Variants in CCDC126 observed in about 807,000 individuals in gnomAD.
The protein encoded by CCDC126 is coiled-coil domain-containing protein 126.
CCDC126 carries 5 observed loss-of-function variants against 11.7 expected under a neutral mutation model. That is an observed-to-expected ratio of 0.43 (90% CI 0.22 to 0.90). The LOEUF is 0.90. Among genes scored for constraint, CCDC126 ranks in the 40% least tolerant of loss-of-function variants. The pLI, the probability that CCDC126 is intolerant of heterozygous loss-of-function variation, is 0.27. For missense variants in CCDC126, 150 were observed against 163.1 expected (o/e 0.92, Z 0.44); for synonymous variants, 60 against 61.9 (o/e 0.97, Z 0.14).
intron 2 of CCDC126, among the ~76,000 whole-genome samples, chr7:23,601,093 G>T (rs1328753011): frequency 6.6e-6 from 1 of 151,704 alleles, no homozygotes; most frequent in Non-Finnish European, 1.5e-5. Flanking sequence ...GTGTAACTGT[G>T]TGTGCATAGG....
At chr7:23,598,619 A>C (rs1397482038) in intron 2 of CCDC126, 1 of 152,154 alleles carries the variant, frequency 6.6e-6, no homozygotes, top group African/African-American at 2.4e-5. Flanking sequence ...CAGGTATTTT[A>C]CAGTCCTGCC....
intron 3 of CCDC126, among the ~76,000 whole-genome samples, chr7:23,631,426 G>A (rs963864963): frequency 1.3e-5 from 2 of 152,016 alleles, no homozygotes; most frequent in Non-Finnish European, 2.9e-5. Flanking sequence ...ACAAATTGCC[G>A]CAATCCACCC....
intron 3 of CCDC126, among the ~76,000 whole-genome samples, chr7:23,636,313 T>G (rs1253101827): frequency 6.8e-6 from 1 of 146,106 alleles, no homozygotes; most frequent in African/African-American, 2.5e-5. Flanking sequence ...CGTCTCTGCC[T>G]GGCCCCCCAT....
In CCDC126 at chr7:23,633,864, A is replaced by G. The variant is rs566578395; in HGVS notation, c.239-9067A>G. On this transcript the variant is annotated intron_variant, in intron 3 of 3. Transcript: ENST00000307471. ...GAGTGAGACCCTGTATCCAAAAAAAAGAAAGAAAAAAGAAAAGAAGTGATT... is the reference window on the plus strand; with the variant it reads ...GAGTGAGACCCTGTATCCAAAAAAAGGAAAGAAAAAAGAAAAGAAGTGATT... 1.4e-4 allele frequency among the ~76,000 whole-genome samples: 21 copies of G among 152,336 alleles called. No individual in the cohort carries two copies. The East Asian group carries it at 3.5e-3, about 25-fold the overall frequency.
chr7:23,636,428 G>A (rs780731970), intron 3 of CCDC126, among the ~76,000 whole-genome samples: 6 of 120,722 alleles, frequency 5.0e-5, no homozygotes, highest in African/African-American at 1.8e-4. Context: ...GCGCCTCTTC[G>A]CCGCCGCCAT....
intron 2 of CCDC126, among the ~76,000 whole-genome samples, chr7:23,602,720 C>G (rs1782564012): frequency 6.6e-6 from 1 of 152,098 alleles, no homozygotes; most frequent in Non-Finnish European, 1.5e-5. Flanking sequence ...CCTCCTCTTT[C>G]TGAAATCAGA....
At chr7:23,611,666 CTTTT>C (rs1268080252) in intron 3 of CCDC126, 113 bp downstream of exon 3, 2 of 711,414 alleles carry the variant, frequency 2.8e-6, no homozygotes, top group East Asian at 5.1e-5. Flanking sequence ...TTTTTCTTGA[CTTTT>C]TATTATGAAA....
intron 3 of CCDC126, among the ~76,000 whole-genome samples, chr7:23,639,251 G>A (rs1338684655): frequency 6.6e-6 from 1 of 150,664 alleles, no homozygotes. Context: ...GAGTGCAGTG[G>A]CACGATCTCA....
At chr7:23,605,435 GTGTGTGT>G (rs1470258135) in intron 2 of CCDC126, among the ~76,000 whole-genome samples, 5 of 74,408 alleles carry the variant, frequency 6.7e-5, no homozygotes, top group African/African-American at 2.1e-4. Flanking sequence ...GTGTGTGTGT[GTGTGTGT>G]GGTAAAAAAA....
At chr7:23,628,346 A>G (rs997456376) in intron 3 of CCDC126, among the ~76,000 whole-genome samples, 4 of 152,214 alleles carry the variant, frequency 2.6e-5, no homozygotes, top group Admixed American at 6.5e-5. Context: ...TCAGAGTTGG[A>G]GCTGAAGAAG....
chr7:23,632,971 A>T (rs6966538), intron 3 of CCDC126, among the ~76,000 whole-genome samples: 57 of 152,298 alleles, frequency 3.7e-4, no homozygotes, highest in Middle Eastern at 3.4e-3. Context: ...ACCTTAGTTC[A>T]CTCATGTGAT....
chr7:23,605,019 A>C (rs1174422085), intron 2 of CCDC126, among the ~76,000 whole-genome samples: 1 of 151,630 alleles, frequency 6.6e-6, no homozygotes, highest in African/African-American at 2.4e-5. Flanking sequence ...AAAAAAGAAA[A>C]TGATAGAGAG....
Position 23,624,879 on chromosome 7 carries a change from C to G in CCDC126, c.238+13326C>G, listed in dbSNP as rs138118328. Reference sequence around the variant, plus strand: ...AATTTTTGAGACAGGATCTCATGCTCTTGCCCAGGCAGGAGTGTAGTGGAG... The same window carrying G: ...AATTTTTGAGACAGGATCTCATGCTGTTGCCCAGGCAGGAGTGTAGTGGAG... On this transcript the variant is annotated intron_variant, in intron 3 of 3. Transcript: ENST00000307471. 2.8e-3 allele frequency among the ~76,000 whole-genome samples: 430 copies of G among 152,286 alleles called. 4 individuals are homozygous for G. Among genetic ancestry groups the G allele is most frequent in the African/African-American group, 9.9e-3 (412 of 41,560 alleles).
chr7:23,638,091 T>TG (rs1357296142), intron 3 of CCDC126, among the ~76,000 whole-genome samples: 16 of 117,806 alleles, frequency 1.4e-4, no homozygotes, highest in South Asian at 3.1e-4. Flanking sequence ...GGGAGGGTGG[T>TG]GGGGGGGTCA....
chr7:23,618,708 G>A lies in CCDC126; in HGVS notation c.238+7155G>A, dbSNP rs987616130. On this transcript the variant is annotated intron_variant, in intron 3 of 3. Transcript: ENST00000307471. ...TGGGACTACAGGCATGCACCACCGC[G>A]CCCAGCTAATTTTTATGTTTTTTAG... Among the ~76,000 whole-genome samples, 8 of 151,224 alleles carry A rather than the reference G, an allele frequency of 5.3e-5. No homozygotes were observed. In the South Asian group the frequency reaches 1.3e-3, roughly 24 times the overall value.
chr7:23,640,292 G>A (rs909695909), intron 3 of CCDC126, among the ~76,000 whole-genome samples: 2 of 151,642 alleles, frequency 1.3e-5, no homozygotes, highest in African/African-American at 2.4e-5. Context: ...GAGATCGGGA[G>A]TTCGAGACCA....
chr7:23,612,842 C>T (rs1256876477), intron 3 of CCDC126, among the ~76,000 whole-genome samples: 1 of 152,176 alleles, frequency 6.6e-6, no homozygotes, highest in African/African-American at 2.4e-5. Flanking sequence ...TTGTTTATTG[C>T]TGTTCTCCCT....
At chr7:23,629,382 C>T (rs963531372) in intron 3 of CCDC126, among the ~76,000 whole-genome samples, 8 of 152,128 alleles carry the variant, frequency 5.3e-5, no homozygotes, top group African/African-American at 9.7e-5. Flanking sequence ...CCAAATCTGC[C>T]GGCCCCTTGA....
rs143975473 is a variant in CCDC126 at position 23,611,452 on chromosome 7, G to C, written c.137G>C (p.Arg46Pro). 3 of 1,613,772 alleles carry C rather than the reference G, an allele frequency of 1.9e-6. No homozygotes were observed. The African/African-American group carries it at 4.0e-5, about 22-fold the overall frequency. ...QPRHQSSVKLREQILDLSKRY... is the reference protein window; with the variant it reads ...QPRHQSSVKLPEQILDLSKRY... The stretch of plus-strand genomic sequence containing the variant: ...AGACATCAAAGCAGTGTCAAGTTAC[G>C]TGAGCAAATACTAGACTTAAGCAAA... Residue 46 changes from arginine (R) to proline (P), a missense_variant, in exon 3 of 4, where the codon CGT becomes CCT. By Grantham distance (103) the Arg-to-Pro change is moderately radical (BLOSUM62 -2). Coordinates refer to ENST00000307471, the MANE Select transcript of CCDC126 (RefSeq NM_138771.4).
Sources: gnomAD v4.1 joint callset for allele counts (sites outside exome capture counted in the v4.1 genomes callset) on GRCh38, gnomAD v4.1.1 for gene constraint, MANE v1.5 for transcripts, NCBI Gene and HGNC (gene_info 2026-07-23, HGNC 2026-07-21) for gene names.